Variants in TMEM132D observed in about 807,000 individuals in gnomAD.
The protein encoded by TMEM132D is mature OL transmembrane protein.
Under a neutral mutation model 62.3 loss-of-function variants are expected in TMEM132D, and 21 were observed. The ratio of observed to expected loss-of-function variants is 0.34; its 90% confidence interval spans 0.24 to 0.49. The LOEUF (loss-of-function observed/expected upper bound fraction) is 0.49. Among genes scored for constraint, TMEM132D ranks in the 20% least tolerant of loss-of-function variants. The pLI is 0.99. For missense variants in TMEM132D, 1,346 were observed against 1,402.8 expected (o/e 0.96, Z 0.65); for synonymous variants, 621 against 575.6 (o/e 1.08, Z -1.13).
chr12:129,460,979 G>T (rs1419740914), intron 3 of TMEM132D, among the ~76,000 whole-genome samples: 3 of 152,158 alleles, frequency 2.0e-5, no homozygotes, highest in African/African-American at 7.2e-5. Flanking sequence ...TGGATTATGT[G>T]GGTTATGCTG....
At chr12:129,538,452 T>A (rs1876470096) in intron 2 of TMEM132D, among the ~76,000 whole-genome samples, 1 of 152,132 alleles carries the variant, frequency 6.6e-6, no homozygotes, top group African/African-American at 2.4e-5. Context: ...CTGTGCACAG[T>A]AGCTGTGATG....
intron 5 of TMEM132D, among the ~76,000 whole-genome samples, chr12:129,155,795 C>A (rs998259449): frequency 1.3e-5 from 2 of 152,136 alleles, no homozygotes; most frequent in African/African-American, 4.8e-5. Flanking sequence ...TATGATAACC[C>A]ACTCCACAAA....
chr12:129,507,473 A>G (rs1272230261), intron 3 of TMEM132D, among the ~76,000 whole-genome samples: 5 of 152,242 alleles, frequency 3.3e-5, no homozygotes, highest in African/African-American at 9.6e-5. Context: ...ATGATCATCA[A>G]TCAACGAATG....
At chr12:129,306,288 G>A (rs1881844656) in intron 4 of TMEM132D, among the ~76,000 whole-genome samples, 1 of 152,180 alleles carries the variant, frequency 6.6e-6, no homozygotes, top group South Asian at 2.1e-4. Context: ...ATTTGTAGAT[G>A]AAGAAATTCA....
At chr12:129,647,013 T>G (rs1244071999) in intron 2 of TMEM132D, among the ~76,000 whole-genome samples, 1 of 151,878 alleles carries the variant, frequency 6.6e-6, no homozygotes. Context: ...TTGGCCAGGC[T>G]GGTCTCAAAC....
At chr12:129,550,667 A>G (rs537183904) in intron 2 of TMEM132D, among the ~76,000 whole-genome samples, 89 of 152,352 alleles carry the variant, frequency 5.8e-4, no homozygotes, top group African/African-American at 2.0e-3. Context: ...AAAGAACACC[A>G]GGGGAGGTGA....
intron 4 of TMEM132D, among the ~76,000 whole-genome samples, chr12:129,227,528 T>C (rs1271479796): frequency 1.3e-5 from 2 of 149,558 alleles, no homozygotes; most frequent in Non-Finnish European, 3.0e-5. Flanking sequence ...TTGATGTTTT[T>C]AAAGTGGAAT....
chr12:129,189,752 ATAT>A (rs1166790059), intron 5 of TMEM132D, among the ~76,000 whole-genome samples: 1 of 152,144 alleles, frequency 6.6e-6, no homozygotes, highest in Admixed American at 6.5e-5. Flanking sequence ...GTCTGCTGGG[ATAT>A]TATTAAGGGA....
rs573453183 is a variant in TMEM132D at position 129,835,357 on chromosome 12, C to G, written c.79+67904G>C. Among the ~76,000 whole-genome samples, 77 of 152,232 alleles carry G rather than the reference C, an allele frequency of 5.1e-4. 2 individuals are homozygous for G. In the South Asian group the frequency reaches 0.015, roughly 30 times the overall value. ...CCAGGCTGAAGTGCAGTGGCGTGAT[C>G]TTGGCTCACTGAAGCTTCGACCTCC... On this transcript the variant is annotated intron_variant, in intron 1 of 8. Transcript: ENST00000422113.
At chr12:129,601,365 A>G (rs1878477329) in intron 2 of TMEM132D, among the ~76,000 whole-genome samples, 1 of 152,186 alleles carries the variant, frequency 6.6e-6, no homozygotes, top group Admixed American at 6.5e-5. Context: ...AACTTTCTCC[A>G]TATCAGCAAG....
chr12:129,664,388 C>CT (rs903729413), intron 2 of TMEM132D, among the ~76,000 whole-genome samples: 2 of 143,414 alleles, frequency 1.4e-5, no homozygotes, highest in African/African-American at 5.1e-5. Flanking sequence ...TTTTGAAATG[C>CT]TTTTTCTATC....
At chr12:129,252,557 A>T (rs1434610411) in intron 4 of TMEM132D, among the ~76,000 whole-genome samples, 1 of 152,154 alleles carries the variant, frequency 6.6e-6, no homozygotes. Flanking sequence ...TGCTGAGAGG[A>T]TGTGGAGAAA....
chr12:129,683,079 T>C (rs1473740205), intron 2 of TMEM132D: 1 of 151,454 alleles, frequency 6.6e-6, no homozygotes, highest in Non-Finnish European at 1.5e-5. Context: ...CTTCAACAAA[T>C]ATATGTTAAA....
intron 2 of TMEM132D, among the ~76,000 whole-genome samples, chr12:129,544,967 C>A (rs564159253): frequency 2.6e-5 from 4 of 152,338 alleles, no homozygotes; most frequent in South Asian, 4.1e-4. Flanking sequence ...ACAGCCGCAT[C>A]CCTAAGTGAC....
At chr12:129,324,840 A>G (rs1235613241) in intron 4 of TMEM132D, among the ~76,000 whole-genome samples, 6 of 152,196 alleles carry the variant, frequency 3.9e-5, no homozygotes, top group African/African-American at 1.2e-4. Flanking sequence ...GAAAAAAAGA[A>G]AAAAAGTGAT....
At chr12:129,554,119 TC>T (rs1313784456) in intron 2 of TMEM132D, among the ~76,000 whole-genome samples, 2 of 152,150 alleles carry the variant, frequency 1.3e-5, no homozygotes, top group Non-Finnish European at 2.9e-5. Flanking sequence ...TTATGTCCCT[TC>T]CACAGTTTCT....
At chr12:129,774,058 G>A (rs1870841733) in intron 1 of TMEM132D, among the ~76,000 whole-genome samples, 1 of 152,172 alleles carries the variant, frequency 6.6e-6, no homozygotes, top group Non-Finnish European at 1.5e-5. Context: ...GAACCAAAAA[G>A]CAGGAGGCTA....
chr12:129,180,691 C>T (rs1878040892), intron 5 of TMEM132D, among the ~76,000 whole-genome samples: 3 of 152,140 alleles, frequency 2.0e-5, no homozygotes, highest in Non-Finnish European at 4.4e-5. Flanking sequence ...CCAAATGACA[C>T]GAAGGAGGCC....
At position 129,079,372 on chromosome 12, in the gene TMEM132D, C is replaced by T. The variant is rs774003432; in HGVS notation, c.1924-647G>A. Among the ~76,000 whole-genome samples, 46 of 152,274 alleles carry T rather than the reference C, an allele frequency of 3.0e-4. 1 individual carries two copies. The highest frequency in any genetic ancestry group is 5.0e-4 in the Non-Finnish European group (34 of 68,018). ...GTTCTGAATGTCTACGCCTGATGCCCACAACCCAAAGCCTCATTTCTCCTC... is the reference window on the plus strand; with the variant it reads ...GTTCTGAATGTCTACGCCTGATGCCTACAACCCAAAGCCTCATTTCTCCTC... On this transcript the variant is annotated intron_variant, in intron 7 of 8. Transcript: ENST00000422113.
Sources: allele counts gnomAD v4.1 joint callset (sites outside exome capture counted in the v4.1 genomes callset), GRCh38; gene constraint gnomAD v4.1.1; transcripts MANE v1.5; gene names NCBI Gene and HGNC (gene_info 2026-07-23, HGNC 2026-07-21).